The following SH2D4A variants were observed in gnomAD, a reference collection of about 807,000 sequenced individuals.
The protein encoded by SH2D4A is SH2 domain containing 4A.
SH2D4A carries 70 observed loss-of-function variants against 64.7 expected under a neutral mutation model. The ratio of observed to expected loss-of-function variants is 1.08; its 90% CI spans 0.89 to 1.32. The LOEUF is 1.32. SH2D4A is among the 40% of genes most tolerant of loss of function. SH2D4A has a pLI of 0.00. For synonymous variants in SH2D4A, 268 were observed against 200.7 expected (o/e 1.34, Z -2.83); for missense variants, 706 against 540.1 (o/e 1.31, Z -3.04).
In SH2D4A at chr8:19,342,664, G is replaced by A. The variant is rs545945765; in HGVS notation, c.513+7807G>A. The stretch of plus-strand genomic sequence containing the variant: ...AATGGTTTGATTCACAGGGGGAGCT[G>A]GGTCTTCTACCTTATTCAGGTCCCT... On this transcript the variant is annotated intron_variant, in intron 4 of 9. Transcript: ENST00000265807. Among the ~76,000 whole-genome samples the A allele has an allele frequency of 2.6e-5, 4 of 152,256 alleles. No individual in the cohort carries two copies. In the East Asian group the frequency reaches 7.7e-4, roughly 29 times the overall value.
chr8:19,393,457 C>G lies in SH2D4A; in HGVS notation c.1188C>G (p.Ile396Met), dbSNP rs148931965. ...AGGACGGCTGTAAACATTTCCTCAT[C>G]GATGCCTCTGCAGACGCCTACAGCT... ...LSEDGCKHFL[I>M]DASADAYSFL... The change falls in exon 9 of 10, where the codon ATC becomes ATG. Residue 396 changes from isoleucine to methionine, a missense_variant. By Grantham distance (10) the Ile-to-Met change is conservative. Transcript: ENST00000265807. The G allele has an allele frequency of 1.4e-5, 23 of 1,614,240 alleles. No homozygotes were observed. The East Asian group carries it at 2.5e-4, about 17-fold the overall frequency.
intron 8 of SH2D4A, among the ~76,000 whole-genome samples, chr8:19,380,059 A>G (rs2053266993): frequency 1.3e-5 from 2 of 152,084 alleles, no homozygotes; most frequent in Non-Finnish European, 2.9e-5. Flanking sequence ...TCTCTCTTTC[A>G]TAGCAACCAT....
intron 8 of SH2D4A, among the ~76,000 whole-genome samples, chr8:19,385,924 TTC>T (rs2153651735): frequency 6.6e-6 from 1 of 152,354 alleles, no homozygotes; most frequent in South Asian, 2.1e-4. Context: ...ATTTTCAAGC[TTC>T]TGTCTTCACT....
At chr8:19,370,604 T>C (rs188315965) in intron 7 of SH2D4A, among the ~76,000 whole-genome samples, 31 of 152,242 alleles carry the variant, frequency 2.0e-4, no homozygotes, top group African/African-American at 7.2e-4. Flanking sequence ...CCCCATTCTT[T>C]CCCTTCCAGA....
At chr8:19,374,203 G>A (rs545862361) in intron 8 of SH2D4A, among the ~76,000 whole-genome samples, 1 of 152,350 alleles carries the variant, frequency 6.6e-6, no homozygotes, top group African/African-American at 2.4e-5. Flanking sequence ...AGTTGAGTGT[G>A]TAACATAGGT....
At chr8:19,317,225 T>C (rs1352281737) in intron 1 of SH2D4A, among the ~76,000 whole-genome samples, 2 of 151,812 alleles carry the variant, frequency 1.3e-5, no homozygotes, top group East Asian at 3.9e-4. Flanking sequence ...TTGGAGCTTG[T>C]GGATTTCATT....
intron 4 of SH2D4A, among the ~76,000 whole-genome samples, chr8:19,353,736 T>C (rs933675338): frequency 1.3e-5 from 2 of 150,394 alleles, no homozygotes; most frequent in African/African-American, 4.9e-5. Flanking sequence ...TTTCACTCTA[T>C]TACTTGTGCA....
At chr8:19,384,472 G>T (rs561072312) in intron 8 of SH2D4A, among the ~76,000 whole-genome samples, 1 of 152,090 alleles carries the variant, frequency 6.6e-6, no homozygotes, top group African/African-American at 2.4e-5. Flanking sequence ...CATTTTTTCA[G>T]TTCCGGACTG....
At chr8:19,355,568 T>A (rs904309871) in intron 4 of SH2D4A, among the ~76,000 whole-genome samples, 1 of 152,248 alleles carries the variant, frequency 6.6e-6, no homozygotes, top group Non-Finnish European at 1.5e-5. Flanking sequence ...TTCTTATCAC[T>A]ACAATGTCAA....
At chr8:19,351,850 C>G (rs1050126057) in intron 4 of SH2D4A, among the ~76,000 whole-genome samples, 2 of 151,990 alleles carry the variant, frequency 1.3e-5, no homozygotes, top group Admixed American at 1.3e-4. Flanking sequence ...GTGGTGAGAT[C>G]TTGGCTCACT....
intron 6 of SH2D4A, among the ~76,000 whole-genome samples, chr8:19,362,956 C>T (rs1189583731): frequency 1.3e-5 from 2 of 152,160 alleles, no homozygotes; most frequent in African/African-American, 2.4e-5. Context: ...ACTGACTCAT[C>T]CCAGAGCAAC....
intron 8 of SH2D4A, among the ~76,000 whole-genome samples, chr8:19,375,878 G>A (rs575049509): frequency 6.6e-6 from 1 of 152,060 alleles, no homozygotes; most frequent in Non-Finnish European, 1.5e-5. Context: ...GTAAATTTAA[G>A]ATTTACAATG....
chr8:19,316,596 T>G (rs147212584), intron 1 of SH2D4A, among the ~76,000 whole-genome samples: 2 of 152,326 alleles, frequency 1.3e-5, no homozygotes, highest in Non-Finnish European at 2.9e-5. Flanking sequence ...TTAGCTACAG[T>G]TGACCAGGAG....
At position 19,322,453 on chromosome 8, in the gene SH2D4A, C is replaced by A. The variant is rs546632593; in HGVS notation, c.181+2725C>A. 7.9e-5 allele frequency among the ~76,000 whole-genome samples: 12 copies of A among 152,120 alleles called. 1 individual carries two copies. The South Asian group carries it at 2.5e-3, about 32-fold the overall frequency. On this transcript the variant is annotated intron_variant, in intron 2 of 9. Coordinates refer to ENST00000265807, the MANE Select transcript of SH2D4A (RefSeq NM_022071.4). Reference sequence around the variant, plus strand: ...TTTCATTAAAAACATCATAGGCCACCCCTGCCATTCCTTGACCCCCTCTAG... The same window carrying A: ...TTTCATTAAAAACATCATAGGCCACACCTGCCATTCCTTGACCCCCTCTAG...
chr8:19,377,256 C>T (rs2053211645), intron 8 of SH2D4A, among the ~76,000 whole-genome samples: 1 of 152,158 alleles, frequency 6.6e-6, no homozygotes, highest in South Asian at 2.1e-4. Flanking sequence ...GTGGCAGGCA[C>T]CTGTAGTTCC....
chr8:19,339,495 C>CTTTTTTTTTTTTTTTTTTTTTTTTT (rs5889867), intron 4 of SH2D4A, among the ~76,000 whole-genome samples: 1 of 129,026 alleles, frequency 7.8e-6, no homozygotes, highest in Admixed American at 8.3e-5. Context: ...TATAAACTTT[C>CTTTTTTTTTTTTTTTTTTTTTTTTT]TTTTTTTTTT....
chr8:19,336,297 T>C (rs1312930153), intron 4 of SH2D4A, among the ~76,000 whole-genome samples: 4 of 152,196 alleles, frequency 2.6e-5, no homozygotes. Flanking sequence ...GTGTCATTAA[T>C]ATGAGGGCTA....
intron 8 of SH2D4A, among the ~76,000 whole-genome samples, chr8:19,381,377 A>T (rs1363540857): frequency 1.3e-5 from 2 of 152,106 alleles, no homozygotes; most frequent in African/African-American, 4.8e-5. Context: ...TTTATTGTAT[A>T]AGTCTTTCAC....
intron 7 of SH2D4A, among the ~76,000 whole-genome samples, chr8:19,367,246 C>T (rs1042049882): frequency 3.3e-5 from 5 of 152,138 alleles, no homozygotes; most frequent in Admixed American, 6.6e-5. Context: ...ATACTGATTT[C>T]ATTTCCTTTT....
Sources: gnomAD v4.1 joint callset for allele counts (sites outside exome capture counted in the v4.1 genomes callset) on GRCh38, gnomAD v4.1.1 for gene constraint, MANE v1.5 for transcripts, NCBI Gene and HGNC (gene_info 2026-07-23, HGNC 2026-07-21) for gene names.